Variants in NCAM2 observed in about 807,000 individuals in gnomAD.
NCAM2 encodes the protein neural cell adhesion molecule 2.
A neutral mutation model predicts 98.1 loss-of-function variants in NCAM2; 30 were observed. That is an observed-to-expected ratio of 0.31 (90% CI 0.23 to 0.41). The LOEUF is 0.41. NCAM2 is among the 10% of genes least tolerant of loss of function. The pLI, the probability that NCAM2 is intolerant of heterozygous loss-of-function variation, is 1.00. For missense variants in NCAM2, 867 were observed against 1,005.8 expected (o/e 0.86, Z 1.87); for synonymous variants, 368 against 342.4 (o/e 1.07, Z -0.83).
chr21:21,229,553 A>G (rs2070535118), intron 1 of NCAM2, among the ~76,000 whole-genome samples: 1 of 151,700 alleles, frequency 6.6e-6, no homozygotes, highest in African/African-American at 2.4e-5. Context: ...GATGAGACAC[A>G]TAGAGTCAAG....
intron 1 of NCAM2, among the ~76,000 whole-genome samples, chr21:21,197,499 G>A (rs1197036967): frequency 6.6e-6 from 1 of 152,086 alleles, no homozygotes; most frequent in African/African-American, 2.4e-5. Flanking sequence ...ACAAATACTT[G>A]AGGCAAACAA....
chr21:21,397,405 C>A (rs886698027), intron 9 of NCAM2, among the ~76,000 whole-genome samples: 1 of 152,184 alleles, frequency 6.6e-6, no homozygotes, highest in Non-Finnish European at 1.5e-5. Context: ...TAGGCCCCTG[C>A]TGAGCCACAT....
chr21:21,333,370 A>G (rs1398792805), intron 6 of NCAM2, among the ~76,000 whole-genome samples: 2 of 152,190 alleles, frequency 1.3e-5, no homozygotes, highest in African/African-American at 4.8e-5. Context: ...TTCCCAGAGT[A>G]GTACAGCCAT....
rs148527626 is a variant in NCAM2 at position 21,525,705 on chromosome 21, A to T, written c.2283-8832A>T. ...AATGCCAAAACCAGACAAAGATATG[A>T]CAAGAAAACCACAGGCCAATATCTT... On this transcript the variant is annotated intron_variant, in intron 16 of 17. Transcript: ENST00000400546. Among the ~76,000 whole-genome samples the T allele has an allele frequency of 8.8e-4, 134 of 152,272 alleles. No homozygotes were observed. In the South Asian group the frequency reaches 0.012, roughly 13 times the overall value.
intron 1 of NCAM2, chr21:21,223,241 G>C (rs1487123483): frequency 6.6e-6 from 1 of 151,818 alleles, no homozygotes; most frequent in African/African-American, 2.4e-5. Flanking sequence ...AATTTAATTA[G>C]GTAATTTCTA....
intron 1 of NCAM2, among the ~76,000 whole-genome samples, chr21:21,193,600 A>G (rs1264108509): frequency 2.0e-5 from 3 of 151,064 alleles, no homozygotes; most frequent in Non-Finnish European, 4.4e-5. Context: ...GGTTCAAGCA[A>G]TTCTCCTGCC....
At chr21:21,336,110 A>G (rs1006414461) in intron 7 of NCAM2, among the ~76,000 whole-genome samples, 31 of 152,164 alleles carry the variant, frequency 2.0e-4, no homozygotes, top group South Asian at 2.1e-4. Flanking sequence ...AATATCTTCC[A>G]TATTTACCAA....
At chr21:21,395,617 A>G (rs2076487497) in intron 9 of NCAM2, among the ~76,000 whole-genome samples, 1 of 152,098 alleles carries the variant, frequency 6.6e-6, no homozygotes, top group African/African-American at 2.4e-5. Context: ...CCAACTTCAA[A>G]CTATACTATA....
intron 5 of NCAM2, among the ~76,000 whole-genome samples, chr21:21,303,234 T>A (rs2073778435): frequency 6.6e-6 from 1 of 150,806 alleles, no homozygotes; most frequent in South Asian, 2.1e-4. Context: ...AAAAAGAATA[T>A]AAAGCTTTAA....
At chr21:21,395,315 C>T (rs148642516) in intron 9 of NCAM2, among the ~76,000 whole-genome samples, 138 of 151,588 alleles carry the variant, frequency 9.1e-4, no homozygotes, top group African/African-American at 9.7e-4. Context: ...GGCCCACAGC[C>T]GGGACAGCAG....
chr21:21,138,767 G>C (rs2067111120), intron 1 of NCAM2, among the ~76,000 whole-genome samples: 1 of 152,038 alleles, frequency 6.6e-6, no homozygotes, highest in African/African-American at 2.4e-5. Flanking sequence ...TAAACATTCT[G>C]ATACCAAAAT....
intron 8 of NCAM2, among the ~76,000 whole-genome samples, chr21:21,348,061 G>T (rs1400865190): frequency 6.6e-6 from 1 of 152,006 alleles, no homozygotes; most frequent in Non-Finnish European, 1.5e-5. Flanking sequence ...ACACTACAAG[G>T]ATGCCTACTG....
intron 1 of NCAM2, among the ~76,000 whole-genome samples, chr21:21,225,514 T>G (rs1268527257): frequency 6.6e-6 from 1 of 152,128 alleles, no homozygotes. Flanking sequence ...CATCATGAAT[T>G]AATGTCATAG....
intron 8 of NCAM2, among the ~76,000 whole-genome samples, chr21:21,356,190 T>C (rs942472060): frequency 2.0e-5 from 3 of 152,194 alleles, no homozygotes; most frequent in Non-Finnish European, 4.4e-5. Flanking sequence ...TTTAAACTTA[T>C]AACAATTTAA....
At chr21:21,187,902 A>T (rs781583443) in intron 1 of NCAM2, among the ~76,000 whole-genome samples, 6 of 152,226 alleles carry the variant, frequency 3.9e-5, no homozygotes. Context: ...TTCAAACTTT[A>T]TTATAAAAAT....
At chr21:21,065,416 C>T (rs1460438567) in intron 1 of NCAM2, among the ~76,000 whole-genome samples, 1 of 152,030 alleles carries the variant, frequency 6.6e-6, no homozygotes, top group African/African-American at 2.4e-5. Context: ...ACAAAAACTA[C>T]CTAATACAAC....
intron 1 of NCAM2, among the ~76,000 whole-genome samples, chr21:21,160,355 T>G (rs896828734): frequency 3.3e-5 from 5 of 151,972 alleles, no homozygotes; most frequent in African/African-American, 1.2e-4. Context: ...CATAAAATAC[T>G]TGTTTTCAAT....
rs1158449597 is a variant in NCAM2, at chr21:21,359,269, C to T, written c.1045-14594C>T. Among the ~76,000 whole-genome samples, 4 of 152,010 alleles carry T rather than the reference C, an allele frequency of 2.6e-5. No homozygotes were observed. The East Asian group carries it at 5.8e-4, about 22-fold the overall frequency. Reference sequence around the variant, plus strand: ...AGTAGGCAAAATGGATACTTCTATTCCCCATCTGATGTAGGTGGTAGAATA... The same window carrying T: ...AGTAGGCAAAATGGATACTTCTATTTCCCATCTGATGTAGGTGGTAGAATA... On this transcript the variant is annotated intron_variant, in intron 8 of 17. Transcript: ENST00000400546.
intron 10 of NCAM2, among the ~76,000 whole-genome samples, chr21:21,415,360 A>G (rs1432723961): frequency 1.1e-5 from 1 of 93,316 alleles, no homozygotes; most frequent in Non-Finnish European, 2.0e-5. Flanking sequence ...TTTTTTTGAG[A>G]CAGGGTCTTG....
Sources: gnomAD v4.1 joint callset for allele counts (sites outside exome capture counted in the v4.1 genomes callset) on GRCh38, gnomAD v4.1.1 for gene constraint, MANE v1.5 for transcripts, NCBI Gene and HGNC (gene_info 2026-07-23, HGNC 2026-07-21) for gene names.